The following SOX5 variants were observed in gnomAD, a reference collection of about 807,000 sequenced individuals.
The protein encoded by SOX5 is SRY-box transcription factor 5.
Under a neutral mutation model 92.0 loss-of-function variants are expected in SOX5, and 9 were observed. The observed-to-expected ratio is 0.10, with a 90% confidence interval of 0.06 to 0.17. The LOEUF is 0.17. Among genes scored for constraint, SOX5 ranks in the 10% least tolerant of loss-of-function variants. The pLI is 1.00. For missense variants in SOX5, 642 were observed against 944.5 expected (o/e 0.68, Z 4.20); for synonymous variants, 344 against 336.3 (o/e 1.02, Z -0.25).
At chr12:24,488,086 AG>A (rs1946699352) in intron 1 of SOX5, among the ~76,000 whole-genome samples, 1 of 152,186 alleles carries the variant, frequency 6.6e-6, no homozygotes, top group African/African-American at 2.4e-5. Context: ...AACTGTCAAA[AG>A]ATGTGGGCTT....
chr12:23,991,321 T>TA (rs918055061), intron 4 of SOX5, among the ~76,000 whole-genome samples: 4,995 of 148,956 alleles, frequency 0.034, 278 homozygotes, highest in African/African-American at 0.12. Flanking sequence ...GTCTCTTTCT[T>TA]AAAAAAAAAA....
intron 7 of SOX5, among the ~76,000 whole-genome samples, chr12:23,651,849 C>G (rs959355892): frequency 9.9e-5 from 15 of 151,680 alleles, no homozygotes; most frequent in African/African-American, 3.6e-4. Flanking sequence ...AAGCAAAATT[C>G]AAGATCTAGC....
rs10679589 is a variant in SOX5 at position 23,723,566 on chromosome 12, T to TTATATATATATATA, written c.810+11104_810+11117dup. ...AACGGTGGTAATTAGAGGAGAAAAA[T>TTATATATATATATA]TATATATATATATATACACACACAC... On this transcript the variant is annotated intron_variant, in intron 6 of 14. Transcript: ENST00000451604. Among the ~76,000 whole-genome samples the TTATATATATATATA allele has an allele frequency of 1.1e-3, 153 of 144,692 alleles. 1 individual carries two copies. The highest frequency in any genetic ancestry group is 2.0e-3 in the South Asian group (9 of 4,586). The allele number at this position is 144,692 out of a possible 152,430, so 94.9% of individuals were successfully genotyped here. A position where few individuals can be genotyped will look rare whatever the true frequency, so the allele number is the denominator to read the frequency against.
At chr12:23,762,342 G>A (rs896257671) in intron 3 of SOX5, 19 of 331,606 alleles carry the variant, frequency 5.7e-5, no homozygotes, top group Middle Eastern at 7.7e-4. Flanking sequence ...AGGCTGTAGC[G>A]TACTTTGTTT....
intron 1 of SOX5, among the ~76,000 whole-genome samples, chr12:24,490,489 T>A (rs1008610710): frequency 7.2e-5 from 11 of 152,176 alleles, no homozygotes; most frequent in African/African-American, 2.7e-4. Context: ...TGACCGTTAG[T>A]ACCATGCAAG....
At chr12:24,432,528 AT>A (rs1254124614) in intron 1 of SOX5, among the ~76,000 whole-genome samples, 1 of 152,114 alleles carries the variant, frequency 6.6e-6, no homozygotes, top group African/African-American at 2.4e-5. Flanking sequence ...AAAATCCAGG[AT>A]ATCAGCTGGG....
intron 8 of SOX5, among the ~76,000 whole-genome samples, chr12:23,621,560 A>G (rs1226696421): frequency 1.3e-5 from 2 of 152,096 alleles, no homozygotes; most frequent in Non-Finnish European, 2.9e-5. Flanking sequence ...ATTTCCTCCT[A>G]TTTTATTCCC....
chr12:24,120,667 T>C (rs1415171510), intron 4 of SOX5, among the ~76,000 whole-genome samples: 4 of 152,200 alleles, frequency 2.6e-5, no homozygotes, highest in African/African-American at 9.7e-5. Context: ...CTATCTGTGA[T>C]CTTATGGCTA....
At chr12:24,429,016 T>A (rs1937666508) in intron 1 of SOX5, among the ~76,000 whole-genome samples, 1 of 151,980 alleles carries the variant, frequency 6.6e-6, no homozygotes. Context: ...TCAGTAGGCA[T>A]AAAGGTGTTG....
upstream of SOX5, among the ~76,000 whole-genome samples, chr12:23,955,628 A>C (rs1469298843): frequency 2.6e-5 from 4 of 152,090 alleles, no homozygotes; most frequent in Non-Finnish European, 5.9e-5. Flanking sequence ...TTTACTCTCT[A>C]CACTATCAAC....
intron 1 of SOX5, among the ~76,000 whole-genome samples, chr12:24,475,155 T>C (rs569092256): frequency 1.3e-5 from 2 of 152,334 alleles, no homozygotes; most frequent in Non-Finnish European, 2.9e-5. Flanking sequence ...GAGAATTCTC[T>C]ATGAACTTAC....
chr12:23,874,687 G>C (rs936656403), intron 2 of SOX5, among the ~76,000 whole-genome samples: 1 of 152,170 alleles, frequency 6.6e-6, no homozygotes, highest in East Asian at 1.9e-4. Context: ...TGAATTCCAA[G>C]AGGCACAGGA....
chr12:24,200,282 AG>A (rs1957390267), intron 4 of SOX5, among the ~76,000 whole-genome samples: 1 of 152,220 alleles, frequency 6.6e-6, no homozygotes, highest in African/African-American at 2.4e-5. Context: ...CCACAAAAGC[AG>A]TGACTTAGAT....
intron 3 of SOX5, among the ~76,000 whole-genome samples, chr12:23,830,098 T>C (rs763259567): frequency 1.2e-4 from 19 of 152,144 alleles, no homozygotes; most frequent in Non-Finnish European, 2.4e-4. Flanking sequence ...GGATACCACT[T>C]GAAAAGGAGA....
chr12:23,758,008 C>CAAAAAAAAAAAAAAA (rs34841595), intron 3 of SOX5, among the ~76,000 whole-genome samples: 2 of 68,218 alleles, frequency 2.9e-5, no homozygotes, highest in Non-Finnish European at 2.4e-5. Context: ...GCACACACTA[C>CAAAAAAAAAAAAAAA]AAAAAAAAAA....
Position 24,391,758 on chromosome 12 carries a change from A to G in SOX5, c.-250-23119T>C, listed in dbSNP as rs185643248. Among the ~76,000 whole-genome samples, 4 of 152,300 alleles carry G rather than the reference A, an allele frequency of 2.6e-5. No homozygotes were observed. The East Asian group carries it at 7.7e-4, about 29-fold the overall frequency. On this transcript the variant is annotated intron_variant, in intron 1 of 4. Coordinates refer to the SOX5 transcript ENST00000446891. ...TCTGGTGAACACTGCTTTCTTTCTAAGTGGTCAGAAATGATCTGCATAATA... is the reference window on the plus strand; with the variant it reads ...TCTGGTGAACACTGCTTTCTTTCTAGGTGGTCAGAAATGATCTGCATAATA...
chr12:23,880,067 C>T (rs980926646), intron 2 of SOX5, among the ~76,000 whole-genome samples: 5 of 152,098 alleles, frequency 3.3e-5, no homozygotes, highest in Non-Finnish European at 5.9e-5. Context: ...CACAGCAGTA[C>T]CCTAAGAAAG....
At chr12:24,335,213 T>A (rs1951755278) in intron 2 of SOX5, among the ~76,000 whole-genome samples, 1 of 152,178 alleles carries the variant, frequency 6.6e-6, no homozygotes, top group Admixed American at 6.6e-5. Flanking sequence ...TCAACAAACC[T>A]GAATGTTCAC....
At position 23,604,652 on chromosome 12, in the gene SOX5, C is replaced by T. The variant is rs1456821520; in HGVS notation, c.1018-119G>A. 22 of 896,574 alleles carry T rather than the reference C, an allele frequency of 2.5e-5. No homozygotes were observed. The East Asian group carries it at 5.8e-4, about 24-fold the overall frequency. The allele number at this position is 896,574 out of a possible 1,614,324, so 55.5% of individuals were successfully genotyped here. ...TTTCCTATGAGCATTTTGTTTAGTG[C>T]ACTGGAATATTTAAAGAAAGAAGCT... is the stretch of plus-strand genomic sequence containing the variant. On this transcript the variant is annotated intron_variant, in intron 8 of 14. Coordinates refer to ENST00000451604, the MANE Select transcript of SOX5 (RefSeq NM_006940.6).
Sources: gnomAD v4.1 joint callset for allele counts (sites outside exome capture counted in the v4.1 genomes callset) on GRCh38, gnomAD v4.1.1 for gene constraint, MANE v1.5 for transcripts, NCBI Gene and HGNC (gene_info 2026-07-23, HGNC 2026-07-21) for gene names.